The following DNAH17 variants were observed in gnomAD, a reference collection of about 807,000 sequenced individuals.
DNAH17 encodes axonemal beta dynein heavy chain 17.
In DNAH17, 376 loss-of-function variants were observed where a neutral mutation model predicts 485.6. The observed-to-expected ratio is 0.77, with a 90% CI of 0.71 to 0.84. The LOEUF (loss-of-function observed/expected upper bound fraction) is 0.84. Among genes scored for constraint, DNAH17 ranks in the 40% least tolerant of loss-of-function variants. The probability of loss-of-function intolerance (pLI) is 0.00; values close to 1 mark genes in which losing one functional copy is unlikely to be tolerated. For synonymous variants in DNAH17, 3,031 were observed against 2,405.9 expected, an observed-to-expected ratio of 1.26 and a Z score of -7.60; for missense variants, 6,370 against 5,839.3, an observed-to-expected ratio of 1.09 and a Z score of -2.96.
intron 56 of DNAH17, among the ~76,000 whole-genome samples, chr17:78,464,152 C>T (rs1163026289): frequency 6.6e-6 from 1 of 152,148 alleles, no homozygotes; most frequent in African/African-American, 2.4e-5. Context: ...AGGTTTATTC[C>T]AAGGGCTGCT....
At position 78,476,555 on chromosome 17, in the gene DNAH17, T is replaced by C. The variant is rs1243363735; in HGVS notation, c.8154+17A>G. On this transcript the variant is annotated intron_variant, in intron 52 of 80. Transcript: ENST00000389840. ...GCCATTCTGGGCTCGGCAGAGGGAC[T>C]GGGCAGCTTGACTTACATCAAAGAA... 3 of 1,603,058 alleles carry C rather than the reference T, an allele frequency of 1.9e-6. No individual in the cohort carries two copies. Among genetic ancestry groups the C allele is most frequent in the Admixed American group, 1.7e-5 (1 of 58,166 alleles).
At chr17:78,458,867 G>T in intron 61 of DNAH17, 134 bp downstream of exon 61, 1 of 1,125,904 alleles carries the variant, frequency 8.9e-7, no homozygotes, top group Non-Finnish European at 1.3e-6. Flanking sequence ...CCCTGCCTCT[G>T]CCTGCATCCT....
Position 78,459,870 on chromosome 17 carries a change from G to T in DNAH17, c.9567C>A (p.Ile3189=), listed in dbSNP as rs146469560. The change falls in exon 60 of 81, where the codon ATC becomes ATA. Residue 3189 remains isoleucine, a synonymous_variant. Coordinates refer to ENST00000389840, the MANE Select transcript of DNAH17 (RefSeq NM_173628.4). ...GGAAGGTGTCCACCTTGCCCATCAT[G>T]ATCTTGGCCGCCTTCCAGCTCTTGT... is the stretch of plus-strand genomic sequence containing the variant. ...PKDKSWKAAK[I]MMGKVDTFLD... The T allele has an allele frequency of 6.2e-7, 1 of 1,614,060 alleles. No homozygotes were observed. Among genetic ancestry groups the T allele is most frequent in the Non-Finnish European group, 8.5e-7 (1 of 1,179,908 alleles).
intron 47 of DNAH17, 50 bp from the exon 48 acceptor site, chr17:78,485,083 C>G: frequency 6.5e-7 from 1 of 1,544,962 alleles, no homozygotes; most frequent in Admixed American, 2.0e-5. Flanking sequence ...TGAGCCAGAG[C>G]CTGTTAGGTA....
At chr17:78,552,646 A>G in intron 15 of DNAH17, 51 bp downstream of exon 15, 2 of 1,299,028 alleles carry the variant, frequency 1.5e-6, no homozygotes, top group Non-Finnish European at 2.2e-6. Context: ...GATGCTGGGC[A>G]GGTTGGACTC....
intron 48 of DNAH17, 129 bp downstream of exon 48, chr17:78,484,739 A>ACCCCCCTGCCCCCCCC: frequency 4.6e-5 from 16 of 347,774 alleles, no homozygotes; most frequent in South Asian, 1.7e-4. Flanking sequence ...ACGTTGCAGC[A>ACCCCCCTGCCCCCCCC]CCCCCCCCAC....
intron 80 of DNAH17, 143 bp from the exon 81 acceptor site, chr17:78,424,296 G>A (rs1598425573): frequency 4.9e-6 from 5 of 1,026,412 alleles, no homozygotes; most frequent in Middle Eastern, 3.3e-4. Flanking sequence ...TGCCACGGCT[G>A]GAAGCAGAGG....
intron 14 of DNAH17, among the ~76,000 whole-genome samples, chr17:78,554,385 C>G (rs1473952308): frequency 1.6e-5 from 2 of 122,268 alleles, no homozygotes; most frequent in African/African-American, 6.3e-5. Flanking sequence ...TGCAGTGAGC[C>G]AAGATCGCAC....
rs2092332610 is a variant in DNAH17, at chr17:78,570,279, G to A, written c.1012C>T (p.Leu338=). 1 of 1,595,398 alleles carries A rather than the reference G, an allele frequency of 6.3e-7. No individual in the cohort carries two copies. The highest frequency in any genetic ancestry group is 8.5e-7 in the Non-Finnish European group (1 of 1,171,254). ...ATGATTTGGTTGCAGAACTCCTGCA[G>A]GATGACGATGATCCTGGCAGGTGTG... ...YNTPARIIVI[L]QEFCNQIIEM... The change falls in exon 7 of 81, where the codon CTG becomes TTG. Residue 338 remains leucine, a synonymous_variant. Coordinates refer to ENST00000389840, the MANE Select transcript of DNAH17 (RefSeq NM_173628.4).
intron 25 of DNAH17, among the ~76,000 whole-genome samples, chr17:78,521,198 G>A (rs1005297704): frequency 6.6e-6 from 1 of 152,222 alleles, no homozygotes. Context: ...TTGAGGTCAT[G>A]AGTTCAAGAC....
chr17:78,572,593 T>C, intron 3 of DNAH17, 108 bp downstream of exon 3: 3 of 1,049,320 alleles, frequency 2.9e-6, no homozygotes, highest in Non-Finnish European at 4.0e-6. Context: ...GAAGCCACTC[T>C]GCAGGGAAAC....
intron 32 of DNAH17, 84 bp from the exon 33 acceptor site, chr17:78,502,782 T>TAC: frequency 6.3e-7 from 1 of 1,590,142 alleles, no homozygotes; most frequent in Non-Finnish European, 8.5e-7. Flanking sequence ...AAAGCTTAGA[T>TAC]GGTTTTCCAG....
At chr17:78,500,556 T>C in intron 35 of DNAH17, 95 bp from the exon 36 acceptor site, 1 of 1,247,368 alleles carries the variant, frequency 8.0e-7, no homozygotes, top group Non-Finnish European at 1.1e-6. Flanking sequence ...TCACCCAGGC[T>C]GGAGTGCAGT....
chr17:78,561,616 C>T (rs1291481069), intron 12 of DNAH17, 99 bp downstream of exon 12: 6 of 1,393,998 alleles, frequency 4.3e-6, no homozygotes, highest in Admixed American at 2.8e-5. Context: ...ACAGTCTGGT[C>T]GACAGGAGGG....
At chr17:78,545,503 C>T (rs1287125819) in intron 16 of DNAH17, among the ~76,000 whole-genome samples, 3 of 152,098 alleles carry the variant, frequency 2.0e-5, no homozygotes, top group African/African-American at 7.2e-5. Context: ...TTGTTGTGAC[C>T]TCACATGGCG....
chr17:78,514,688 C>G, intron 26 of DNAH17, 86 bp downstream of exon 26: 2 of 1,512,730 alleles, frequency 1.3e-6, no homozygotes, highest in South Asian at 2.5e-5. Context: ...CCCTGAACAC[C>G]TTGGCTAGGC....
chr17:78,459,333 G>C (rs956486397), intron 60 of DNAH17, 125 bp from the exon 61 acceptor site: 26 of 943,800 alleles, frequency 2.8e-5, no homozygotes, highest in Admixed American at 2.0e-4. Flanking sequence ...GATTCACACA[G>C]TCAGGCTGGC....
chr17:78,437,360 C>T (rs2086882062), intron 74 of DNAH17, among the ~76,000 whole-genome samples: 1 of 152,246 alleles, frequency 6.6e-6, no homozygotes, highest in African/African-American at 2.4e-5. Context: ...CAGCATCTAC[C>T]AGCCCTCATT....
chr17:78,545,152 C>T (rs1417295239), intron 16 of DNAH17, among the ~76,000 whole-genome samples: 2 of 152,170 alleles, frequency 1.3e-5, no homozygotes, highest in East Asian at 1.9e-4. Context: ...GATCACCCGC[C>T]TCCCTCCTCT....
Sources: allele counts gnomAD v4.1 joint callset (sites outside exome capture counted in the v4.1 genomes callset), GRCh38; gene constraint gnomAD v4.1.1; transcripts MANE v1.5; gene names NCBI Gene and HGNC (gene_info 2026-07-23, HGNC 2026-07-21).